CDK14: variants seen among roughly 807,000 people sequenced by gnomAD.
CDK14 encodes cyclin-dependent kinase 14.
A neutral mutation model predicts 60.7 loss-of-function variants in CDK14; 34 were observed. The observed-to-expected ratio is 0.56, with a 90% CI of 0.43 to 0.75. The LOEUF is 0.75. Among genes scored for constraint, CDK14 ranks in the 30% least tolerant of loss-of-function variants. The probability of loss-of-function intolerance (pLI) is 0.00; values close to 1 mark genes in which losing one functional copy is unlikely to be tolerated. For missense variants in CDK14, 482 were observed against 564.1 expected (o/e 0.85, Z 1.47); for synonymous variants, 197 against 203.7 (o/e 0.97, Z 0.28).
At chr7:91,129,136 G>T (rs975321389) in intron 14 of CDK14, among the ~76,000 whole-genome samples, 1 of 152,130 alleles carries the variant, frequency 6.6e-6, no homozygotes, top group East Asian at 1.9e-4. Context: ...GGGGCTTCAC[G>T]CCCAGGGCCT....
intron 6 of CDK14, among the ~76,000 whole-genome samples, chr7:90,883,053 G>C (rs905273967): frequency 6.6e-6 from 1 of 151,290 alleles, no homozygotes; most frequent in Non-Finnish European, 1.5e-5. Flanking sequence ...AATAGCAAAT[G>C]AATCCAAAAG....
At chr7:90,658,986 A>G (rs1800808948) in intron 2 of CDK14, among the ~76,000 whole-genome samples, 1 of 152,224 alleles carries the variant, frequency 6.6e-6, no homozygotes, top group Admixed American at 6.5e-5. Context: ...TAATAATTAA[A>G]GAACAATAGT....
In CDK14 at chr7:91,151,290, C is replaced by G. The variant is rs182472976; in HGVS notation, c.*28+33082C>G. On this transcript the variant is annotated intron_variant, in intron 14 of 14. Coordinates refer to ENST00000380050, the MANE Select transcript of CDK14 (RefSeq NM_001287135.2). Reference sequence around the variant, plus strand: ...CAGGTACAAGTCCAGTGGGAGCATCCTCATCACAGAATCCACTCATTTCAA... The same window carrying G: ...CAGGTACAAGTCCAGTGGGAGCATCGTCATCACAGAATCCACTCATTTCAA... 1.0e-3 allele frequency among the ~76,000 whole-genome samples: 157 copies of G among 152,298 alleles called. No homozygotes were observed. In the Middle Eastern group the frequency reaches 0.014, roughly 13 times the overall value.
intron 14 of CDK14, among the ~76,000 whole-genome samples, chr7:91,176,692 TAA>T (rs990950197): frequency 3.3e-5 from 5 of 151,780 alleles, no homozygotes; most frequent in Admixed American, 6.6e-5. Flanking sequence ...TCTATGCAAA[TAA>T]ACTAGAAAAT....
intron 12 of CDK14, 108 bp from the exon 13 acceptor site, chr7:91,112,434 T>C: frequency 8.0e-7 from 1 of 1,252,900 alleles, no homozygotes; most frequent in Non-Finnish European, 1.1e-6. Flanking sequence ...GTAATTTGTT[T>C]TTCTAGCCAG....
At chr7:90,802,360 T>C (rs1366130474) in intron 5 of CDK14, among the ~76,000 whole-genome samples, 2 of 152,214 alleles carry the variant, frequency 1.3e-5, no homozygotes, top group African/African-American at 4.8e-5. Context: ...CAACTGTTTT[T>C]AAAGACACTA....
chr7:90,645,405 G>T (rs556655532), intron 2 of CDK14, among the ~76,000 whole-genome samples: 2 of 152,156 alleles, frequency 1.3e-5, no homozygotes, highest in South Asian at 4.1e-4. Context: ...AAAGAGACTT[G>T]TTAGTTTTAT....
intron 11 of CDK14, among the ~76,000 whole-genome samples, chr7:91,077,451 T>A (rs780211661): frequency 6.6e-6 from 1 of 150,752 alleles, no homozygotes; most frequent in Non-Finnish European, 1.5e-5. Context: ...TGTGAACATA[T>A]GGACACAGCG....
At chr7:90,700,751 A>G (rs1368699305) in intron 2 of CDK14, among the ~76,000 whole-genome samples, 2 of 152,050 alleles carry the variant, frequency 1.3e-5, no homozygotes, top group Admixed American at 6.5e-5. Context: ...AAATCTGCCA[A>G]TTTTGCCTGA....
intron 7 of CDK14, among the ~76,000 whole-genome samples, chr7:90,901,100 T>G (rs373232023): frequency 1.4e-4 from 21 of 152,182 alleles, no homozygotes; most frequent in Admixed American, 6.6e-4. Flanking sequence ...CTCTAGAAAC[T>G]GTCTCACCAG....
chr7:90,819,700 G>A (rs1789475646), intron 5 of CDK14, among the ~76,000 whole-genome samples: 1 of 152,102 alleles, frequency 6.6e-6, no homozygotes, highest in Non-Finnish European at 1.5e-5. Flanking sequence ...TGTGAGAAAT[G>A]TTAGCCTTCC....
intron 1 of CDK14, 92 bp from the exon 2 acceptor site, chr7:90,604,126 C>G (rs1023677878): frequency 2.6e-6 from 2 of 782,532 alleles, no homozygotes; most frequent in East Asian, 2.9e-5. Flanking sequence ...AATGAAAACA[C>G]CATACTGCCT....
intron 14 of CDK14, among the ~76,000 whole-genome samples, chr7:91,173,250 G>A (rs4276614): frequency 0.35 from 53,198 of 151,928 alleles, 11,169 homozygotes; most frequent in Non-Finnish European, 0.48. Context: ...AACTAAGTTG[G>A]GGAGAAGAGA....
At chr7:90,893,758 A>C (rs1792211131) in intron 6 of CDK14, among the ~76,000 whole-genome samples, 1 of 152,236 alleles carries the variant, frequency 6.6e-6, no homozygotes, top group Admixed American at 6.5e-5. Context: ...GGTAAAATAG[A>C]AATTTGTGAA....
At chr7:90,824,887 G>A (rs534572797) in intron 5 of CDK14, 1 of 152,288 alleles carries the variant, frequency 6.6e-6, no homozygotes, top group South Asian at 2.1e-4. Flanking sequence ...ATAACTTGGA[G>A]TCAGATGGCC....
intron 4 of CDK14, among the ~76,000 whole-genome samples, chr7:90,781,750 G>A (rs901845746): frequency 1.1e-4 from 17 of 151,270 alleles, no homozygotes; most frequent in Non-Finnish European, 2.4e-4. Flanking sequence ...TATTTCTGAG[G>A]GCTCTGTTCT....
intron 14 of CDK14, among the ~76,000 whole-genome samples, chr7:91,119,308 G>A (rs968788604): frequency 8.6e-5 from 13 of 151,948 alleles, no homozygotes; most frequent in African/African-American, 2.7e-4. Context: ...TGGTGAAAGC[G>A]TATCTCTACA....
intron 2 of CDK14, among the ~76,000 whole-genome samples, chr7:90,692,041 A>G (rs1379106274): frequency 6.6e-6 from 1 of 152,204 alleles, no homozygotes; most frequent in East Asian, 1.9e-4. Flanking sequence ...TCCTATTCCA[A>G]GTGTGTGCTA....
chr7:90,999,044 C>T (rs77054084), intron 10 of CDK14, among the ~76,000 whole-genome samples: 5,430 of 152,136 alleles, frequency 0.036, 140 homozygotes, highest in Non-Finnish European at 0.05. Context: ...ATGTCAGCTC[C>T]GGTTCTCTTT....
Sources: allele counts gnomAD v4.1 joint callset (sites outside exome capture counted in the v4.1 genomes callset), GRCh38; gene constraint gnomAD v4.1.1; transcripts MANE v1.5; gene names NCBI Gene and HGNC (gene_info 2026-07-23, HGNC 2026-07-21).